The following C2orf78 variants were observed in gnomAD, a reference collection of about 807,000 sequenced individuals.
C2orf78 encodes the protein chromosome 2 open reading frame 78, also known as uncharacterized protein C2orf78.
A neutral mutation model predicts 21.4 loss-of-function variants in C2orf78; 12 were observed. The ratio of observed to expected loss-of-function variants is 0.56; its 90% CI spans 0.36 to 0.91. The LOEUF (loss-of-function observed/expected upper bound fraction) is 0.91. Among genes scored for constraint, C2orf78 ranks in the 40% least tolerant of loss-of-function variants. The pLI, the probability that C2orf78 is intolerant of heterozygous loss-of-function variation, is 0.01. For synonymous variants in C2orf78, 396 were observed against 413.9 expected (o/e 0.96, Z 0.52); for missense variants, 1,042 against 1,092.4 (o/e 0.95, Z 0.65).
intron 1 of C2orf78, among the ~76,000 whole-genome samples, chr2:73,810,981 T>C (rs1490046411): frequency 6.9e-6 from 1 of 145,672 alleles, no homozygotes; most frequent in Non-Finnish European, 1.5e-5. Flanking sequence ...TATATATATA[T>C]ATATATGTTT....
chr2:73,817,002 T>C (rs1310713130), exon 3 of C2orf78: 3 of 1,597,656 alleles, frequency 1.9e-6, no homozygotes, highest in African/African-American at 2.7e-5. Context: ...AGAGCTGAGA[T>C]TGTTGGTTTT....
chr2:73,810,583 AT>A (rs1323883536), intron 1 of C2orf78, among the ~76,000 whole-genome samples: 9 of 140,532 alleles, frequency 6.4e-5, no homozygotes, highest in East Asian at 2.0e-4. Context: ...TTTTATGTAT[AT>A]TATATATATA....
At chr2:73,815,007 C>T in intron 2 of C2orf78, 64 bp from the exon 3 acceptor site, 1 of 1,478,340 alleles carries the variant, frequency 6.8e-7, no homozygotes, top group Middle Eastern at 2.2e-4. Context: ...CCGATTGCTG[C>T]ACTGGTGTGT....
intron 1 of C2orf78, among the ~76,000 whole-genome samples, chr2:73,809,058 C>A (rs937913215): frequency 6.6e-6 from 1 of 152,198 alleles, no homozygotes; most frequent in Non-Finnish European, 1.5e-5. Flanking sequence ...TTGACATTAA[C>A]TAGCTGTGTG....
At chr2:73,807,572 CA>C (rs772535041) in intron 1 of C2orf78, among the ~76,000 whole-genome samples, 11 of 30,606 alleles carry the variant, frequency 3.6e-4, no homozygotes, top group Non-Finnish European at 6.4e-4. Flanking sequence ...GAATTGTGAC[CA>C]AAGGCTAGAA....
chr2:73,813,501 C>T (rs778249015), exon 2 of C2orf78: 12 of 1,609,026 alleles, frequency 7.5e-6, no homozygotes, highest in Non-Finnish European at 9.3e-6. Context: ...ACGTCTTTAC[C>T]TGGAACTGCA....
exon 3 of C2orf78, chr2:73,815,095 A>T (rs772023693): frequency 1.5e-4 from 239 of 1,612,852 alleles, no homozygotes; most frequent in Non-Finnish European, 1.9e-4. Context: ...CTGGGGATGG[A>T]TACTTCCCTG....
exon 3 of C2orf78, chr2:73,815,602 T>C (rs1573204362): frequency 6.2e-7 from 1 of 1,614,004 alleles, no homozygotes; most frequent in East Asian, 2.2e-5. Context: ...TTCAGTTCCT[T>C]ACAAGATCTT....
At chr2:73,812,009 C>T (rs1467985019) in intron 1 of C2orf78, among the ~76,000 whole-genome samples, 3 of 152,070 alleles carry the variant, frequency 2.0e-5, no homozygotes, top group Non-Finnish European at 4.4e-5. Flanking sequence ...TTTACATTCA[C>T]ATTTACTGCA....
rs1033131821 is a variant in C2orf78 at position 73,813,452 on chromosome 2, T to C, written c.98-25T>C. The stretch of plus-strand genomic sequence containing the variant: ...AGAATTTTTCACTCTCATCGGTTTT[T>C]TCATCTCTCTCTTGTTTCCTACAGA... On this transcript the variant is annotated intron_variant, in intron 1 of 2. Coordinates refer to ENST00000409561, the Ensembl canonical transcript of C2orf78. 5.8e-6 allele frequency: 9 copies of C among 1,540,950 alleles called. No homozygotes were observed. The African/African-American group carries it at 9.6e-5, about 17-fold the overall frequency.
chr2:73,809,146 CT>C (rs1312440813), intron 1 of C2orf78, among the ~76,000 whole-genome samples: 1 of 152,092 alleles, frequency 6.6e-6, no homozygotes, highest in Non-Finnish European at 1.5e-5. Flanking sequence ...GTTATTCCCC[CT>C]GGCCTTTTTC....
exon 3 of C2orf78, chr2:73,815,659 C>T (rs1183790750): frequency 6.2e-7 from 1 of 1,613,810 alleles, no homozygotes; most frequent in Non-Finnish European, 8.5e-7. Context: ...GATACCAGTG[C>T]CATCAAGGTA....
intron 1 of C2orf78, among the ~76,000 whole-genome samples, chr2:73,810,783 A>G (rs1278015140): frequency 1.7e-5 from 2 of 118,066 alleles, no homozygotes; most frequent in South Asian, 2.5e-4. Context: ...TAAAATATAC[A>G]TGTATATTTT....
intron 1 of C2orf78, among the ~76,000 whole-genome samples, chr2:73,810,792 T>TA (rs1673071530): frequency 9.4e-6 from 1 of 106,002 alleles, no homozygotes; most frequent in East Asian, 2.7e-4. Context: ...CATGTATATT[T>TA]TATATATATA....
intron 1 of C2orf78, chr2:73,808,808 C>A: frequency 7.1e-7 from 1 of 1,413,660 alleles, no homozygotes; most frequent in South Asian, 1.2e-5. Context: ...TGGACACATG[C>A]ACTGGTTGGC....
chr2:73,786,390 A>G (rs1483192815), intron 1 of C2orf78, among the ~76,000 whole-genome samples: 3 of 143,846 alleles, frequency 2.1e-5, no homozygotes, highest in Non-Finnish European at 4.5e-5. Context: ...AAACAAACAA[A>G]CAAATAAACA....
exon 3 of C2orf78, chr2:73,816,824 GTCAACGCCCATCACA>G (rs2103997797): frequency 6.2e-7 from 1 of 1,614,018 alleles, no homozygotes; most frequent in East Asian, 2.2e-5. Flanking sequence ...AGCCAGTAAT[GTCAACGCCCATCACA>G]GAAGAGCAGA....
exon 3 of C2orf78, chr2:73,815,562 T>G (rs769908087): frequency 1.2e-6 from 2 of 1,613,820 alleles, no homozygotes; most frequent in African/African-American, 2.7e-5. Context: ...CATCACTACA[T>G]GGGTGGAGGA....
At chr2:73,784,925 G>A (rs1243088823) in intron 1 of C2orf78, among the ~76,000 whole-genome samples, 1 of 150,954 alleles carries the variant, frequency 6.6e-6, no homozygotes, top group South Asian at 2.1e-4. Context: ...CACTTTGGGA[G>A]GCCATCTCCC....
Sources: allele counts gnomAD v4.1 joint callset (sites outside exome capture counted in the v4.1 genomes callset), GRCh38; gene constraint gnomAD v4.1.1; transcripts MANE v1.5; gene names NCBI Gene and HGNC (gene_info 2026-07-23, HGNC 2026-07-21).